The following WFDC6 variants were observed in gnomAD, a reference collection of about 807,000 sequenced individuals.
WFDC6 encodes WAP four-disulfide core domain protein 6.
Under a neutral mutation model 8.2 loss-of-function variants are expected in WFDC6, and 10 were observed. That is an observed-to-expected ratio of 1.22 (90% CI 0.75 to 2.07). The LOEUF (loss-of-function observed/expected upper bound fraction) is 2.07, where lower values mean the gene tolerates loss of function less well. Among genes scored for constraint, WFDC6 ranks in the 30% most tolerant of loss-of-function variants. WFDC6 has a pLI of 0.00. For synonymous variants in WFDC6, 28 were observed against 37.0 expected (o/e 0.76, Z 0.88); for missense variants, 105 against 104.9 (o/e 1.00, Z 0.00).
At chr20:45,536,568 A>G (rs1055192199) in intron 2 of WFDC6, among the ~76,000 whole-genome samples, 3 of 152,218 alleles carry the variant, frequency 2.0e-5, no homozygotes, top group Admixed American at 2.0e-4. Flanking sequence ...CACAGATGGT[A>G]AGGGATTTGA....
rs1272893649 is a variant in WFDC6 at position 45,539,302 on chromosome 20, G to T, written c.91+15C>A. 1.2e-6 allele frequency: 2 copies of T among 1,612,646 alleles called. No homozygotes were observed. The highest frequency in any genetic ancestry group is 1.7e-6 in the Non-Finnish European group (2 of 1,178,846). The stretch of plus-strand genomic sequence containing the variant: ...TTCCTTTCCCCATTGCAAGGACGGA[G>T]TTCCCAATACTTACTGCCAAGGATG... On this transcript the variant is annotated intron_variant, in intron 1 of 2. Transcript: ENST00000372670.
chr20:45,538,160 C>T (rs138952275), intron 1 of WFDC6, 66 bp from the exon 2 acceptor site: 1 of 1,609,474 alleles, frequency 6.2e-7, no homozygotes, highest in East Asian at 2.2e-5. Flanking sequence ...TCCCCGAGAC[C>T]AGGGCACCCC....
intron 1 of WFDC6, 26 bp downstream of exon 1, chr20:45,539,291 G>C (rs45572137): frequency 1.2e-6 from 2 of 1,607,720 alleles, no homozygotes; most frequent in African/African-American, 1.3e-5. Context: ...TTTCCCCATT[G>C]CAAGGACGGA....
At position 45,534,438 on chromosome 20, in the gene WFDC6, G is replaced by A; in HGVS notation, c.*29C>T. The stretch of plus-strand genomic sequence containing the variant: ...CATCAATCAGGCACACGTGGAGAGA[G>A]GCCTGGATTATGAGCCAAATCCTGG... On this transcript the variant is annotated 3_prime_UTR_variant, in exon 3 of 3. Coordinates refer to ENST00000372670, the MANE Select transcript of WFDC6 (RefSeq NM_080827.2). 1 of 1,613,650 alleles carries A rather than the reference G, an allele frequency of 6.2e-7. No individual in the cohort carries two copies. The highest frequency in any genetic ancestry group is 8.5e-7 in the Non-Finnish European group (1 of 1,179,608).
chr20:45,538,234 C>G (rs1056590996), intron 1 of WFDC6, 140 bp from the exon 2 acceptor site: 37 of 1,457,322 alleles, frequency 2.5e-5, no homozygotes, highest in Admixed American at 1.2e-4. Flanking sequence ...CCTCAGGGGG[C>G]TCAGGAATTT....
At chr20:45,538,665 A>T (rs1305598361) in intron 1 of WFDC6, among the ~76,000 whole-genome samples, 1 of 152,200 alleles carries the variant, frequency 6.6e-6, no homozygotes, top group Non-Finnish European at 1.5e-5. Flanking sequence ...CTTAATCCTC[A>T]TTACAAATCT....
chr20:45,534,586 G>T, intron 2 of WFDC6, 81 bp from the exon 3 acceptor site: 1 of 1,517,986 alleles, frequency 6.6e-7, no homozygotes, highest in Admixed American at 1.8e-5. Context: ...ATGGGAAAAA[G>T]GAGGTGGGAT....
chr20:45,537,576 G>A (rs1389209634), intron 2 of WFDC6: 44 of 1,548,500 alleles, frequency 2.8e-5, no homozygotes, highest in Non-Finnish European at 3.8e-5. Context: ...AGGAAATACA[G>A]ATTATATACC....
chr20:45,537,550 C>A (rs1480859043), intron 2 of WFDC6: 8 of 1,549,724 alleles, frequency 5.2e-6, no homozygotes, highest in African/African-American at 2.7e-5. Flanking sequence ...GACAGAGAGG[C>A]CTAGAGAAAA....
chr20:45,534,643 G>T, intron 2 of WFDC6, 138 bp from the exon 3 acceptor site: 1 of 990,844 alleles, frequency 1.0e-6, no homozygotes, highest in Non-Finnish European at 1.5e-6. Context: ...GAGTTTGGGG[G>T]CTCCTAGAAT....
intron 2 of WFDC6, chr20:45,535,321 T>A (rs1193938107): frequency 1.5e-6 from 2 of 1,303,174 alleles, no homozygotes; most frequent in African/African-American, 1.5e-5. Context: ...TGTGGCATAC[T>A]GCATATATCT....
rs1309396706 is a variant in WFDC6, at chr20:45,538,099, G to A, written c.92-5C>T. ...CTTTGATTTTGGGACACGGCTCTAA[G>A]GGAGGGGAAGATATATTCCCTCAAG... On this transcript the variant is annotated splice_region_variant and splice_polypyrimidine_tract_variant and intron_variant, in intron 1 of 2. Coordinates refer to ENST00000372670, the MANE Select transcript of WFDC6 (RefSeq NM_080827.2). 6.2e-7 allele frequency: 1 copy of A among 1,613,846 alleles called. No individual in the cohort carries two copies. The highest frequency in any genetic ancestry group is 1.7e-5 in the Admixed American group (1 of 59,992).
At chr20:45,536,092 A>G (rs1178313868) in intron 2 of WFDC6, among the ~76,000 whole-genome samples, 2 of 152,144 alleles carry the variant, frequency 1.3e-5, no homozygotes, top group African/African-American at 2.4e-5. Flanking sequence ...TCAGTCTTGC[A>G]CACACATTTA....
At chr20:45,537,885 A>T in intron 2 of WFDC6, 79 bp downstream of exon 2, 1 of 1,602,888 alleles carries the variant, frequency 6.2e-7, no homozygotes, top group Admixed American at 1.7e-5. Context: ...CCATCAGTGA[A>T]CTAGGAGACA....
chr20:45,539,284 C>T (rs1405916613), intron 1 of WFDC6, 33 bp downstream of exon 1: 2 of 1,599,290 alleles, frequency 1.3e-6, no homozygotes, highest in African/African-American at 1.3e-5. Flanking sequence ...AGTTTCCTTT[C>T]CCCATTGCAA....
chr20:45,536,303 G>T (rs1423443538), intron 2 of WFDC6, among the ~76,000 whole-genome samples: 2 of 151,248 alleles, frequency 1.3e-5, no homozygotes, highest in African/African-American at 4.9e-5. Context: ...AGCATTTATT[G>T]AGCAATTATT....
chr20:45,536,721 A>T (rs1979380430), intron 2 of WFDC6: 1 of 152,214 alleles, frequency 6.6e-6, no homozygotes, highest in Non-Finnish European at 1.5e-5. Flanking sequence ...CTCAGCCCAC[A>T]TATTCATGCT....
At chr20:45,539,265 T>A (rs1289841764) in intron 1 of WFDC6, 52 bp downstream of exon 1, 6 of 1,536,850 alleles carry the variant, frequency 3.9e-6, no homozygotes, top group Non-Finnish European at 5.4e-6. Context: ...TGTTCCTTCC[T>A]CCCCACTGAG....
At chr20:45,535,362 G>C in intron 2 of WFDC6, 4 of 1,273,544 alleles carry the variant, frequency 3.1e-6, no homozygotes, top group Non-Finnish European at 3.1e-6. Context: ...AGCTGTTTGG[G>C]TGCCTGTCTC....
Sources: allele counts gnomAD v4.1 joint callset (sites outside exome capture counted in the v4.1 genomes callset), GRCh38; gene constraint gnomAD v4.1.1; transcripts MANE v1.5; gene names NCBI Gene and HGNC (gene_info 2026-07-23, HGNC 2026-07-21).